GADL1: variants seen among roughly 807,000 people sequenced by gnomAD.
The protein encoded by GADL1 is acidic amino acid decarboxylase GADL1.
GADL1 carries 71 observed loss-of-function variants against 69.5 expected under a neutral mutation model. The observed-to-expected ratio is 1.02, with a 90% CI of 0.84 to 1.25. GADL1 has a LOEUF of 1.25. Ranked by LOEUF, GADL1 falls within the 50% of genes most tolerant of loss-of-function variation. The pLI, the probability that GADL1 is intolerant of heterozygous loss-of-function variation, is 0.00. For synonymous variants in GADL1, 254 were observed against 214.4 expected, an observed-to-expected ratio of 1.18 and a Z score of -1.62; for missense variants, 737 against 631.8, an observed-to-expected ratio of 1.17 and a Z score of -1.79.
intron 1 of GADL1, among the ~76,000 whole-genome samples, chr3:30,864,710 T>C (rs1418091384): frequency 6.6e-6 from 1 of 152,010 alleles, no homozygotes; most frequent in Non-Finnish European, 1.5e-5. Flanking sequence ...TTCAGAATTT[T>C]CATTCTAACT....
chr3:30,887,854 T>A (rs1187034370), intron 1 of GADL1, among the ~76,000 whole-genome samples: 1 of 152,198 alleles, frequency 6.6e-6, no homozygotes, highest in Non-Finnish European at 1.5e-5. Flanking sequence ...AATGCATATA[T>A]GAATGGTAAA....
At chr3:30,772,449 C>A (rs1696438222) in intron 14 of GADL1, among the ~76,000 whole-genome samples, 1 of 152,170 alleles carries the variant, frequency 6.6e-6, no homozygotes, top group African/African-American at 2.4e-5. Context: ...CAATTACATT[C>A]TCTGGGGTCT....
intron 1 of GADL1, among the ~76,000 whole-genome samples, chr3:30,864,478 A>G (rs1698367344): frequency 6.6e-6 from 1 of 152,058 alleles, no homozygotes; most frequent in Admixed American, 6.6e-5. Context: ...ACACCAATGA[A>G]TTAAAAAAAA....
chr3:30,870,333 T>C (rs937236967), intron 1 of GADL1, among the ~76,000 whole-genome samples: 1 of 151,600 alleles, frequency 6.6e-6, no homozygotes, highest in Non-Finnish European at 1.5e-5. Flanking sequence ...ACACGAAAGA[T>C]ATGGAAAGAG....
chr3:30,854,084 A>G (rs1312425621), intron 4 of GADL1, among the ~76,000 whole-genome samples: 1 of 152,112 alleles, frequency 6.6e-6, no homozygotes, highest in Non-Finnish European at 1.5e-5. Context: ...CAGTTCATAG[A>G]GAATGGCATG....
In GADL1 at chr3:30,881,354, A is replaced by T. The variant is rs544741954; in HGVS notation, c.37+13224T>A. 2.3e-3 allele frequency among the ~76,000 whole-genome samples: 347 copies of T among 152,108 alleles called. 1 individual carries two copies. The highest frequency in any genetic ancestry group is 8.1e-3 in the African/African-American group (336 of 41,542). On this transcript the variant is annotated intron_variant, in intron 1 of 14. Transcript: ENST00000282538. ...ACAGATACTTAAACTCTTATAGTAG[A>T]TCTTAACATTTTCAGAGGCAACCTA...
intron 8 of GADL1, among the ~76,000 whole-genome samples, chr3:30,842,026 A>G (rs572245624): frequency 1.3e-5 from 2 of 152,276 alleles, no homozygotes; most frequent in Admixed American, 1.3e-4. Context: ...GTGGAAAGCT[A>G]TATGGGACAA....
intron 3 of GADL1, among the ~76,000 whole-genome samples, 159 bp downstream of exon 3, chr3:30,856,856 A>C (rs962380530): frequency 6.6e-6 from 1 of 152,042 alleles, no homozygotes; most frequent in African/African-American, 2.4e-5. Context: ...ATGAATCTGG[A>C]TTAGGGATTA....
chr3:30,799,916 T>A (rs1382599158), intron 12 of GADL1: 1 of 152,292 alleles, frequency 6.6e-6, no homozygotes, highest in Non-Finnish European at 1.5e-5. Flanking sequence ...AAGTTCCTCA[T>A]CTCCATCTGA....
intron 1 of GADL1, among the ~76,000 whole-genome samples, chr3:30,885,441 A>C (rs1257654575): frequency 6.6e-6 from 1 of 152,116 alleles, no homozygotes; most frequent in East Asian, 1.9e-4. Flanking sequence ...GCCTGGCCTA[A>C]AGTAAGTGAG....
intron 14 of GADL1, among the ~76,000 whole-genome samples, chr3:30,757,400 G>C (rs1262786798): frequency 6.6e-6 from 1 of 152,150 alleles, no homozygotes; most frequent in East Asian, 1.9e-4. Context: ...CCTATAAAAA[G>C]CATAAATGCT....
chr3:30,758,591 GAT>G (rs1696039082), intron 14 of GADL1, among the ~76,000 whole-genome samples: 1 of 152,194 alleles, frequency 6.6e-6, no homozygotes, highest in African/African-American at 2.4e-5. Flanking sequence ...CACAGTATAA[GAT>G]AACATGGTAA....
At chr3:30,821,738 T>C (rs1221894603) in intron 11 of GADL1, among the ~76,000 whole-genome samples, 2 of 151,738 alleles carry the variant, frequency 1.3e-5, no homozygotes, top group Non-Finnish European at 2.9e-5. Context: ...TAATAAGTCA[T>C]TTTTTAAAAG....
chr3:30,749,766 T>C (rs1695772836), intron 14 of GADL1, among the ~76,000 whole-genome samples: 1 of 152,172 alleles, frequency 6.6e-6, no homozygotes, highest in Admixed American at 6.5e-5. Flanking sequence ...TCGCCCCAGC[T>C]GAACAGCTGA....
intron 11 of GADL1, among the ~76,000 whole-genome samples, chr3:30,832,613 A>T (rs1697810367): frequency 6.6e-6 from 1 of 152,030 alleles, no homozygotes. Context: ...AGGATGCTTG[A>T]TACATTTTTG....
Position 30,851,046 on chromosome 3 carries a change from G to C in GADL1, c.429-105C>G, listed in dbSNP as rs934121389. 1.6e-5 allele frequency: 10 copies of C among 623,144 alleles called. No individual in the cohort carries two copies. In the African/African-American group the frequency reaches 1.8e-4, roughly 11 times the overall value. The allele number at this position is 623,144 out of a possible 1,614,324, so 38.6% of individuals were successfully genotyped here. A position where few individuals can be genotyped will look rare whatever the true frequency, so the allele number is the denominator to read the frequency against. On this transcript the variant is annotated intron_variant, in intron 4 of 14. Transcript: ENST00000282538. ...TCTATTAAACCAAGTGGCTGCTGAA[G>C]TGTAGGCAGTCTTTGGAAATTTATC...
chr3:30,751,777 C>T (rs1488326778), intron 14 of GADL1, among the ~76,000 whole-genome samples: 1 of 149,482 alleles, frequency 6.7e-6, no homozygotes, highest in African/African-American at 2.4e-5. Context: ...ATGGTCTCGC[C>T]ATTTCATGGC....
intron 14 of GADL1, among the ~76,000 whole-genome samples, chr3:30,771,386 G>C (rs1390151405): frequency 6.6e-6 from 1 of 152,092 alleles, no homozygotes; most frequent in Non-Finnish European, 1.5e-5. Context: ...TTTATCTTAG[G>C]TTTTAATGGT....
In GADL1 at chr3:30,844,392, A is replaced by G. The variant is rs750517523; in HGVS notation, c.726T>C (p.Asp242=). Reference sequence around the variant, plus strand: ...CCAGATCCTGTTCCCATTACCTTCCATCTGTTTCCACAAAGCAAACATTCT... The same window carrying G: ...CCAGATCCTGTTCCCATTACCTTCCGTCTGTTTCCACAAAGCAAACATTCT... ...GTENVCFVET[D]GRGKMIPEEL... The change falls in exon 7 of 15, where the codon GAT becomes GAC. Residue 242 remains aspartate, a synonymous_variant. Transcript: ENST00000282538. The G allele has an allele frequency of 1.2e-5, 20 of 1,611,660 alleles. No individual in the cohort carries two copies. The highest frequency in any genetic ancestry group is 1.7e-5 in the Admixed American group (1 of 59,998).
Sources: gnomAD v4.1 joint callset for allele counts (sites outside exome capture counted in the v4.1 genomes callset) on GRCh38, gnomAD v4.1.1 for gene constraint, MANE v1.5 for transcripts, NCBI Gene and HGNC (gene_info 2026-07-23, HGNC 2026-07-21) for gene names.